The following TNRC6B variants were observed in gnomAD, a reference collection of about 807,000 sequenced individuals.
TNRC6B encodes trinucleotide repeat-containing gene 6B protein.
In TNRC6B, 52 loss-of-function variants were observed where a neutral mutation model predicts 203.6. The observed-to-expected ratio is 0.26, with a 90% CI of 0.20 to 0.32. The LOEUF is 0.32. TNRC6B is among the 10% of genes least tolerant of loss of function. TNRC6B has a pLI of 1.00. For synonymous variants in TNRC6B, 838 were observed against 845.7 expected (o/e 0.99, Z 0.16); for missense variants, 1,923 against 2,286.2 (o/e 0.84, Z 3.24).
chr22:40,328,395 A>T lies in TNRC6B; in HGVS notation c.*5154A>T. The T allele has an allele frequency of 6.6e-6, 1 of 152,260 alleles. No individual in the cohort carries two copies. The allele number at this position is 152,260 out of a possible 1,614,324, so 9.4% of individuals were successfully genotyped here. A position where few individuals can be genotyped will look rare whatever the true frequency, so the allele number is the denominator to read the frequency against. ...GTGGGTTGAATATGGTATAGAAGGT[A>T]TGCAAGAGGAAAAAGAAAGGAAAAG... On this transcript the variant is annotated 3_prime_UTR_variant, in exon 23 of 23. Coordinates refer to ENST00000454349, the MANE Select transcript of TNRC6B (RefSeq NM_001162501.2).
chr22:40,283,970 A>T (rs944174505), intron 11 of TNRC6B, among the ~76,000 whole-genome samples: 4 of 152,250 alleles, frequency 2.6e-5, no homozygotes, highest in African/African-American at 9.6e-5. Flanking sequence ...CTAAGTCATT[A>T]CTTTGATGAT....
At chr22:40,133,748 C>T (rs1360090652) in intron 3 of TNRC6B, among the ~76,000 whole-genome samples, 1 of 151,990 alleles carries the variant, frequency 6.6e-6, no homozygotes, top group Non-Finnish European at 1.5e-5. Context: ...GCGAGCGGAT[C>T]ACCTGAGGTT....
At chr22:40,097,875 C>T (rs529254936) in intron 1 of TNRC6B, among the ~76,000 whole-genome samples, 2 of 152,102 alleles carry the variant, frequency 1.3e-5, no homozygotes, top group East Asian at 1.9e-4. Flanking sequence ...GACAGGGTCT[C>T]GCTATGTTGC....
At chr22:40,217,742 A>T (rs1212894109) in intron 1 of TNRC6B, among the ~76,000 whole-genome samples, 1 of 152,108 alleles carries the variant, frequency 6.6e-6, no homozygotes, top group African/African-American at 2.4e-5. Flanking sequence ...TGGGAGGCCG[A>T]GGTGGGTGGA....
chr22:40,080,651 A>C (rs980105273), intron 1 of TNRC6B, among the ~76,000 whole-genome samples: 1 of 152,020 alleles, frequency 6.6e-6, no homozygotes, highest in Non-Finnish European at 1.5e-5. Context: ...GCTTTACCAG[A>C]TGTCCATGGC....
chr22:40,260,201 CTTT>C (rs5845452), intron 3 of TNRC6B, among the ~76,000 whole-genome samples: 13 of 146,580 alleles, frequency 8.9e-5, no homozygotes, highest in African/African-American at 3.0e-4. Context: ...GGAAGAAACA[CTTT>C]TTTTTTTTTT....
intron 1 of TNRC6B, among the ~76,000 whole-genome samples, chr22:40,193,484 A>G (rs1018340634): frequency 6.6e-6 from 1 of 152,206 alleles, no homozygotes; most frequent in Non-Finnish European, 1.5e-5. Flanking sequence ...AAGCACAAAT[A>G]GGAAGGAGCT....
chr22:40,274,854 C>A (rs1430831128), intron 7 of TNRC6B, among the ~76,000 whole-genome samples: 3 of 152,178 alleles, frequency 2.0e-5, no homozygotes, highest in Non-Finnish European at 4.4e-5. Flanking sequence ...TGAGCCTGAA[C>A]CAGTGTCTTC....
chr22:40,261,867 A>G lies in TNRC6B; in HGVS notation c.151A>G (p.Thr51Ala), dbSNP rs558788424. 34 of 1,582,748 alleles carry G rather than the reference A, an allele frequency of 2.1e-5. No homozygotes were observed. In the South Asian group the frequency reaches 2.6e-4, roughly 12 times the overall value. Residue 51 changes from threonine (T) to alanine (A), a missense_variant, in exon 4 of 23, where the codon ACG (threonine) becomes GCG (alanine). By Grantham distance (58) the Thr-to-Ala change is moderately conservative. This residue lies in a region of TNRC6B where 111 missense variants were observed against 155.3 expected (regional missense o/e 0.71). Coordinates refer to ENST00000454349, the MANE Select transcript of TNRC6B (RefSeq NM_001162501.2). ...EVTKPSLSQP[T>A]AASPIGSSPS... is the part of the protein sequence containing the mutation. ...GACGAAACCAAGTTTAAGCCAACCAACGGCCGCCAGCCCAATTGGCAGCTC... is the reference window on the plus strand; with the variant it reads ...GACGAAACCAAGTTTAAGCCAACCAGCGGCCGCCAGCCCAATTGGCAGCTC...
chr22:40,138,613 C>T (rs935264290), intron 3 of TNRC6B, among the ~76,000 whole-genome samples: 10 of 152,144 alleles, frequency 6.6e-5, no homozygotes, highest in Non-Finnish European at 1.3e-4. Context: ...TACTGAGGCA[C>T]CTGCAGGCAG....
chr22:40,299,158 CA>C (rs796432826), intron 12 of TNRC6B, among the ~76,000 whole-genome samples: 112 of 103,088 alleles, frequency 1.1e-3, no homozygotes, highest in Middle Eastern at 5.7e-3. Context: ...AAAAAAAAAA[CA>C]AAAAAAAAAA....
At chr22:40,261,047 A>T (rs1034734123) in intron 3 of TNRC6B, among the ~76,000 whole-genome samples, 1 of 152,094 alleles carries the variant, frequency 6.6e-6, no homozygotes, top group Admixed American at 6.6e-5. Context: ...TGGGAGGCCG[A>T]GGTGGGTAAA....
intron 4 of TNRC6B, among the ~76,000 whole-genome samples, chr22:40,262,653 A>G (rs907090116): frequency 6.6e-6 from 1 of 152,214 alleles, no homozygotes; most frequent in Admixed American, 6.5e-5. Flanking sequence ...TTTTAAACTC[A>G]GTATTTCTTT....
chr22:40,127,412 T>G (rs2068502809), intron 3 of TNRC6B, among the ~76,000 whole-genome samples: 1 of 152,154 alleles, frequency 6.6e-6, no homozygotes, highest in Non-Finnish European at 1.5e-5. Context: ...CTGAATCTGA[T>G]GTAGGGTTAG....
At chr22:40,231,053 CTA>C (rs527765934) in intron 1 of TNRC6B, among the ~76,000 whole-genome samples, 4 of 147,994 alleles carry the variant, frequency 2.7e-5, no homozygotes, top group East Asian at 2.0e-4. Context: ...CTCTCTCTCT[CTA>C]TATATATATA....
At chr22:40,133,766 C>T (rs553480667) in intron 3 of TNRC6B, among the ~76,000 whole-genome samples, 2 of 151,714 alleles carry the variant, frequency 1.3e-5, no homozygotes, top group East Asian at 1.9e-4. Flanking sequence ...GTTGGGAGTT[C>T]GAGACCAGCC....
chr22:40,057,238 A>AT (rs138408073), intron 1 of TNRC6B, among the ~76,000 whole-genome samples: 6,627 of 150,324 alleles, frequency 0.044, 440 homozygotes, highest in African/African-American at 0.15. Flanking sequence ...GTTACATTGA[A>AT]TTTTTTTCCT....
At position 40,323,388 on chromosome 22, in the gene TNRC6B, C is replaced by A; in HGVS notation, c.*147C>A. ...GAGAGAAAAAAAGGTGGGTCATTGA[C>A]AGACTGTCTGAGCACATAGTTGCCT... On this transcript the variant is annotated 3_prime_UTR_variant, in exon 23 of 23. Transcript: ENST00000454349. 2 of 1,038,094 alleles carry A rather than the reference C, an allele frequency of 1.9e-6. No homozygotes were observed. Among genetic ancestry groups the A allele is most frequent in the South Asian group, 1.7e-5 (1 of 57,372 alleles). 64.3% of individuals were successfully genotyped at this position (1,038,094 alleles called of 1,614,324 possible).
chr22:40,102,535 A>G (rs373207295), intron 1 of TNRC6B, among the ~76,000 whole-genome samples: 27 of 152,228 alleles, frequency 1.8e-4, no homozygotes, highest in African/African-American at 6.5e-4. Flanking sequence ...AATCATAGCT[A>G]GTTATAAAAG....
Sources: allele counts gnomAD v4.1 joint callset (sites outside exome capture counted in the v4.1 genomes callset), GRCh38; gene constraint gnomAD v4.1.1; regional missense constraint gnomAD v4.1.1; transcripts MANE v1.5; gene names NCBI Gene and HGNC (gene_info 2026-07-23, HGNC 2026-07-21).